The following NCAPH2 variants were observed in gnomAD, a reference collection of about 807,000 sequenced individuals.
The protein encoded by NCAPH2 is condensin-2 complex subunit H2.
Under a neutral mutation model 88.6 loss-of-function variants are expected in NCAPH2, and 56 were observed. The observed-to-expected ratio is 0.63, with a 90% CI of 0.51 to 0.79. The LOEUF (loss-of-function observed/expected upper bound fraction) is 0.79. Among genes scored for constraint, NCAPH2 ranks in the 30% least tolerant of loss-of-function variants. The probability of loss-of-function intolerance (pLI) is 0.00; values close to 1 mark genes in which losing one functional copy is unlikely to be tolerated. For missense variants in NCAPH2, 794 were observed against 792.0 expected, an observed-to-expected ratio of 1.00 and a Z score of -0.03; for synonymous variants, 378 against 313.6, an observed-to-expected ratio of 1.21 and a Z score of -2.17.
At chr22:50,510,885 C>A (rs1332168947) in intron 1 of NCAPH2, among the ~76,000 whole-genome samples, 1 of 150,644 alleles carries the variant, frequency 6.6e-6, no homozygotes. Context: ...CTTACTCTGT[C>A]GCCCAGGCTG....
intron 1 of NCAPH2, among the ~76,000 whole-genome samples, chr22:50,511,446 C>G (rs1429690541): frequency 6.9e-6 from 1 of 144,110 alleles, no homozygotes; most frequent in Non-Finnish European, 1.5e-5. Context: ...CCCGCCACCA[C>G]GCCCGGCTAA....
intron 9 of NCAPH2, chr22:50,520,265 T>C (rs2148664946): frequency 6.6e-6 from 1 of 152,330 alleles, no homozygotes; most frequent in South Asian, 2.1e-4. Context: ...TATTTATTTA[T>C]TTTTGAGACA....
intron 1 of NCAPH2, among the ~76,000 whole-genome samples, chr22:50,511,989 T>C (rs1472937055): frequency 1.3e-5 from 2 of 152,162 alleles, no homozygotes; most frequent in Non-Finnish European, 2.9e-5. Flanking sequence ...GGTTTCACCA[T>C]GTTGGCCAGG....
At chr22:50,513,190 A>C (rs1049190728) in intron 1 of NCAPH2, among the ~76,000 whole-genome samples, 4 of 152,262 alleles carry the variant, frequency 2.6e-5, no homozygotes, top group Admixed American at 2.0e-4. Flanking sequence ...GCAGATCAGA[A>C]TCCAGCCTCC....
At chr22:50,508,580 C>T (rs1209668539) in intron 1 of NCAPH2, 135 bp downstream of exon 1, 2 of 544,234 alleles carry the variant, frequency 3.7e-6, no homozygotes. Flanking sequence ...CGCAGGTCCT[C>T]GGGCTCCCTG....
chr22:50,522,107 C>A, intron 13 of NCAPH2, 68 bp downstream of exon 13: 1 of 1,612,580 alleles, frequency 6.2e-7, no homozygotes, highest in South Asian at 1.1e-5. Flanking sequence ...CACCTGGTGT[C>A]ACCCAAAGCC....
intron 1 of NCAPH2, among the ~76,000 whole-genome samples, chr22:50,515,262 T>C (rs879431151): frequency 6.6e-6 from 1 of 152,200 alleles, no homozygotes; most frequent in Non-Finnish European, 1.5e-5. Context: ...ACCTAGGGGC[T>C]TCAAAGTGTC....
chr22:50,515,521 C>T (rs954520223), intron 1 of NCAPH2, among the ~76,000 whole-genome samples: 1 of 152,048 alleles, frequency 6.6e-6, no homozygotes, highest in Non-Finnish European at 1.5e-5. Context: ...CTCAGCCTCC[C>T]GAGTAGCTGG....
At chr22:50,519,050 AC>A in intron 8 of NCAPH2, 139 bp from the exon 9 acceptor site, 7 of 779,422 alleles carry the variant, frequency 9.0e-6, no homozygotes, top group African/African-American at 1.8e-5. Context: ...CAGGAGCACG[AC>A]GAGGATGGTG....
chr22:50,511,170 GT>G (rs1002154003), intron 1 of NCAPH2, among the ~76,000 whole-genome samples: 7 of 114,208 alleles, frequency 6.1e-5, no homozygotes, highest in East Asian at 5.6e-4. Context: ...TTATTTATAT[GT>G]TTTTTTTTTG....
intron 1 of NCAPH2, among the ~76,000 whole-genome samples, chr22:50,515,435 C>G (rs561591275): frequency 3.3e-5 from 5 of 152,150 alleles, no homozygotes; most frequent in African/African-American, 1.2e-4. Flanking sequence ...CTCGCTCTGT[C>G]GCCCAGGCTG....
intron 1 of NCAPH2, among the ~76,000 whole-genome samples, chr22:50,510,954 T>A (rs6010124): frequency 0.043 from 6,334 of 147,190 alleles, 201 homozygotes; most frequent in Middle Eastern, 0.15. Context: ...TCACGCCATT[T>A]TCCTGCCTCA....
intron 2 of NCAPH2, among the ~76,000 whole-genome samples, chr22:50,517,183 G>A (rs902281140): frequency 2.0e-5 from 3 of 152,252 alleles, no homozygotes; most frequent in Non-Finnish European, 4.4e-5. Context: ...AGAAGGCCAC[G>A]CTCGCGGCTG....
chr22:50,515,584 G>A, intron 1 of NCAPH2: 1 of 548,100 alleles, frequency 1.8e-6, no homozygotes, highest in Non-Finnish European at 2.7e-6. Context: ...TTTTAGTAGA[G>A]ACGAGGTTTC....
chr22:50,516,420 C>G (rs755991710), intron 1 of NCAPH2, 27 bp from the exon 2 acceptor site: 1 of 1,609,284 alleles, frequency 6.2e-7, no homozygotes, highest in Non-Finnish European at 8.5e-7. Context: ...CCTTGGATTC[C>G]CCCTGTCTTT....
chr22:50,508,981 G>T (rs2068708968), intron 1 of NCAPH2, among the ~76,000 whole-genome samples: 1 of 152,118 alleles, frequency 6.6e-6, no homozygotes, highest in Admixed American at 6.6e-5. Flanking sequence ...TCAGTCTGGC[G>T]TCCACGACAC....
At position 50,519,524 on chromosome 22, in the gene NCAPH2, A is replaced by G. The variant is rs374771058; in HGVS notation, c.861+204A>G. The G allele has an allele frequency of 7.1e-4, 1,007 of 1,410,200 alleles. 7 individuals carry two copies. Among genetic ancestry groups the G allele is most frequent in the South Asian group, 5.5e-3 (344 of 62,376 alleles). The allele number at this position is 1,410,200 out of a possible 1,614,324, so 87.4% of individuals were successfully genotyped here. On this transcript the variant is annotated intron_variant, in intron 9 of 19. Transcript: ENST00000420993. ...TTCTGTGTTCCTCCCCTCTCTGAGC[A>G]GAACTGATGCTCCTCAGAGTAGTGG...
rs1166563368 is a variant in NCAPH2, at chr22:50,521,541, A to G, written c.934-2A>G. 8 of 1,613,506 alleles carry G rather than the reference A, an allele frequency of 5.0e-6. No individual in the cohort carries two copies. The highest frequency in any genetic ancestry group is 1.7e-5 in the Admixed American group (1 of 60,020). ...CAGCGCCTTCTTGTGCTCTGTGCCC[A>G]GGAGACTCCAGACCCCTGGCAGAGC... On this transcript the variant is annotated splice_acceptor_variant, in intron 10 of 19. Transcript: ENST00000420993. LOFTEE classifies it high-confidence loss of function.
intron 1 of NCAPH2, among the ~76,000 whole-genome samples, chr22:50,514,758 C>T (rs138072831): frequency 6.6e-6 from 1 of 152,356 alleles, no homozygotes; most frequent in African/African-American, 2.4e-5. Context: ...CCTCTCCCTT[C>T]CTCCCAGATC....
Sources: allele counts gnomAD v4.1 joint callset (sites outside exome capture counted in the v4.1 genomes callset), GRCh38; gene constraint gnomAD v4.1.1; transcripts MANE v1.5; gene names NCBI Gene and HGNC (gene_info 2026-07-23, HGNC 2026-07-21).